Variants in HS6ST3 observed in about 807,000 individuals in gnomAD.
HS6ST3 encodes the protein heparan-sulfate 6-O-sulfotransferase 3.
In HS6ST3, 12 loss-of-function variants were observed where a neutral mutation model predicts 36.7. That is an observed-to-expected ratio of 0.33 (90% CI 0.21 to 0.53). The LOEUF is 0.53. HS6ST3 is among the 20% of genes least tolerant of loss of function. The pLI is 0.95. For missense variants in HS6ST3, 584 were observed against 640.9 expected, an observed-to-expected ratio of 0.91 and a Z score of 0.96; for synonymous variants, 240 against 257.5, an observed-to-expected ratio of 0.93 and a Z score of 0.65.
chr13:96,828,402 T>A (rs1488362975), intron 1 of HS6ST3, among the ~76,000 whole-genome samples: 1 of 152,194 alleles, frequency 6.6e-6, no homozygotes, highest in Non-Finnish European at 1.5e-5. Context: ...AGAATGTTGC[T>A]TTAAGTTGGT....
chr13:96,636,086 G>A (rs371109446), intron 1 of HS6ST3, among the ~76,000 whole-genome samples: 8 of 152,062 alleles, frequency 5.3e-5, no homozygotes, highest in African/African-American at 1.7e-4. Context: ...TCGACAATTC[G>A]ATGAAACCCA....
At chr13:96,141,370 G>C (rs2054031314) in intron 1 of HS6ST3, among the ~76,000 whole-genome samples, 1 of 151,864 alleles carries the variant, frequency 6.6e-6, no homozygotes, top group African/African-American at 2.4e-5. Flanking sequence ...TTAAGAAACA[G>C]GGTCTTGCTC....
chr13:96,722,876 C>T (rs931993919), intron 1 of HS6ST3, among the ~76,000 whole-genome samples: 1 of 151,982 alleles, frequency 6.6e-6, no homozygotes, highest in Non-Finnish European at 1.5e-5. Context: ...ACACGGGAAG[C>T]GGAGGTGGGA....
At chr13:96,430,144 G>C (rs1019510773) in intron 1 of HS6ST3, among the ~76,000 whole-genome samples, 4 of 152,066 alleles carry the variant, frequency 2.6e-5, no homozygotes, top group Non-Finnish European at 5.9e-5. Context: ...CTAATTTGGG[G>C]TATTACCCTT....
intron 1 of HS6ST3, among the ~76,000 whole-genome samples, chr13:96,799,223 A>G (rs1877982825): frequency 6.6e-6 from 1 of 152,120 alleles, no homozygotes; most frequent in Admixed American, 6.6e-5. Context: ...TTACAGTCCC[A>G]CCAACAGTGT....
chr13:96,279,243 GT>G (rs2054763117), intron 1 of HS6ST3, among the ~76,000 whole-genome samples: 1 of 152,064 alleles, frequency 6.6e-6, no homozygotes, highest in South Asian at 2.1e-4. Flanking sequence ...AGAACCCAGA[GT>G]TTTTTCCTTT....
intron 1 of HS6ST3, among the ~76,000 whole-genome samples, chr13:96,144,418 A>G (rs1332102849): frequency 6.6e-6 from 1 of 152,030 alleles, no homozygotes; most frequent in Non-Finnish European, 1.5e-5. Flanking sequence ...AGAGAAAAAC[A>G]CTCACCACTT....
intron 1 of HS6ST3, among the ~76,000 whole-genome samples, chr13:96,796,729 C>T (rs1489807429): frequency 3.3e-5 from 5 of 152,000 alleles, no homozygotes; most frequent in African/African-American, 1.2e-4. Context: ...CGTGAAAGTA[C>T]CAAGAAATGC....
At chr13:96,192,944 A>G (rs974258691) in intron 1 of HS6ST3, among the ~76,000 whole-genome samples, 6 of 152,158 alleles carry the variant, frequency 3.9e-5, no homozygotes, top group African/African-American at 1.2e-4. Flanking sequence ...TCTGAGAAGT[A>G]TTATTGCAGT....
chr13:96,521,422 A>G (rs143953434), intron 1 of HS6ST3, among the ~76,000 whole-genome samples: 9 of 152,310 alleles, frequency 5.9e-5, no homozygotes, highest in African/African-American at 1.9e-4. Context: ...TTCAGAAGGA[A>G]TGGTACCAGC....
At chr13:96,348,557 A>C (rs977185618) in intron 1 of HS6ST3, among the ~76,000 whole-genome samples, 9 of 152,200 alleles carry the variant, frequency 5.9e-5, no homozygotes, top group African/African-American at 2.2e-4. Context: ...TGAAACCAAC[A>C]TGTGTACTTG....
At chr13:96,665,543 A>G (rs1213955099) in intron 1 of HS6ST3, among the ~76,000 whole-genome samples, 3 of 152,212 alleles carry the variant, frequency 2.0e-5, no homozygotes, top group Non-Finnish European at 4.4e-5. Flanking sequence ...TGAAGGATGA[A>G]TAGAGTTTAG....
intron 1 of HS6ST3, among the ~76,000 whole-genome samples, chr13:96,668,102 G>T (rs2138429090): frequency 6.6e-6 from 1 of 152,088 alleles, no homozygotes; most frequent in African/African-American, 2.4e-5. Flanking sequence ...AATAGATACT[G>T]TTATAATGCC....
chr13:96,379,705 T>A (rs2055331885), intron 1 of HS6ST3, among the ~76,000 whole-genome samples: 1 of 152,232 alleles, frequency 6.6e-6, no homozygotes. Context: ...CTGAATCTAC[T>A]GGTTATAATT....
In HS6ST3 at chr13:96,669,095, G is replaced by A. The variant is rs771688620; in HGVS notation, c.708-163395G>A. Among the ~76,000 whole-genome samples, 103 of 152,184 alleles carry A rather than the reference G, an allele frequency of 6.8e-4. 2 individuals carry two copies. Among genetic ancestry groups the A allele is most frequent in the Non-Finnish European group, 3.1e-4 (21 of 67,988 alleles). Reference sequence around the variant, plus strand: ...GTGCTAAAACCTGTTATTTGTGGTAGACCTAAAAGGAAACTTGAAGGGCAC... The same window carrying A: ...GTGCTAAAACCTGTTATTTGTGGTAAACCTAAAAGGAAACTTGAAGGGCAC... On this transcript the variant is annotated intron_variant, in intron 1 of 1. Transcript: ENST00000376705.
chr13:96,224,571 TC>T (rs1257531144), intron 1 of HS6ST3, among the ~76,000 whole-genome samples: 3 of 152,210 alleles, frequency 2.0e-5, no homozygotes, highest in Non-Finnish European at 4.4e-5. Flanking sequence ...TGCCTTGGCC[TC>T]CCAAAGTGCT....
chr13:96,725,287 G>A (rs1392801211), intron 1 of HS6ST3, among the ~76,000 whole-genome samples: 1 of 152,116 alleles, frequency 6.6e-6, no homozygotes, highest in East Asian at 1.9e-4. Context: ...TCAGATATGT[G>A]ATTTGCTAAC....
At chr13:96,524,409 T>A (rs1487719892) in intron 1 of HS6ST3, among the ~76,000 whole-genome samples, 1 of 152,156 alleles carries the variant, frequency 6.6e-6, no homozygotes, top group East Asian at 1.9e-4. Context: ...CAGGCAGGGA[T>A]GTTTAAGTCT....
At chr13:96,271,227 A>G (rs1397018932) in intron 1 of HS6ST3, among the ~76,000 whole-genome samples, 1 of 151,964 alleles carries the variant, frequency 6.6e-6, no homozygotes, top group Non-Finnish European at 1.5e-5. Context: ...GTAGCAAGCC[A>G]TTACATAGCA....
Sources: allele counts gnomAD v4.1 joint callset (sites outside exome capture counted in the v4.1 genomes callset), GRCh38; gene constraint gnomAD v4.1.1; transcripts MANE v1.5; gene names NCBI Gene and HGNC (gene_info 2026-07-23, HGNC 2026-07-21).